Variants in GFRA1 observed in about 807,000 individuals in gnomAD.
GFRA1 encodes GDNF family receptor alpha-1.
GFRA1 carries 16 observed loss-of-function variants against 51.6 expected under a neutral mutation model. That is an observed-to-expected ratio of 0.31 (90% confidence interval 0.21 to 0.47). The LOEUF (loss-of-function observed/expected upper bound fraction) is 0.47. Ranked by LOEUF, GFRA1 falls within the 20% of genes least tolerant of loss-of-function variation. GFRA1 has a pLI of 1.00. For synonymous variants in GFRA1, 270 were observed against 241.3 expected (o/e 1.12, Z -1.10); for missense variants, 530 against 594.3 (o/e 0.89, Z 1.13).
chr10:116,212,257 T>G (rs1046771608), intron 4 of GFRA1, among the ~76,000 whole-genome samples: 1 of 152,090 alleles, frequency 6.6e-6, no homozygotes, highest in Non-Finnish European at 1.5e-5. Flanking sequence ...CGGTGGCTCA[T>G]GCCTGTAATC....
chr10:116,129,978 C>T (rs200347837), intron 5 of GFRA1, among the ~76,000 whole-genome samples: 16 of 150,352 alleles, frequency 1.1e-4, no homozygotes, highest in East Asian at 5.8e-4. Context: ...TATGGAATGA[C>T]GAAATCAAGC....
At chr10:116,248,661 T>C (rs982390787) in intron 4 of GFRA1, among the ~76,000 whole-genome samples, 4 of 152,192 alleles carry the variant, frequency 2.6e-5, no homozygotes, top group African/African-American at 9.6e-5. Flanking sequence ...TGTCAACTCC[T>C]GTAGGCCTGC....
intron 5 of GFRA1, among the ~76,000 whole-genome samples, chr10:116,205,988 A>T (rs2134414639): frequency 6.6e-6 from 1 of 150,874 alleles, no homozygotes; most frequent in South Asian, 2.1e-4. Context: ...TCTATGCAAA[A>T]TTAAATGGTA....
In GFRA1 at chr10:116,073,014, G is replaced by A. The variant is rs147487621; in HGVS notation, c.1198-7388C>T. 4.2e-3 allele frequency among the ~76,000 whole-genome samples: 637 copies of A among 152,272 alleles called. 7 individuals are homozygous for A. The highest frequency in any genetic ancestry group is 0.014 in the African/African-American group (593 of 41,566). ...AAAAGTGGGAAATGCAAAACCTCAC[G>A]CTAATTGGGCCTGCGAACTTTGTAT... On this transcript the variant is annotated intron_variant, in intron 9 of 10. Transcript: ENST00000355422.
At chr10:116,184,741 C>A (rs1455399299) in intron 5 of GFRA1, among the ~76,000 whole-genome samples, 1 of 152,176 alleles carries the variant, frequency 6.6e-6, no homozygotes, top group Non-Finnish European at 1.5e-5. Context: ...AAGGCTAGTT[C>A]CAGTTCTTAA....
chr10:116,103,262 C>T (rs1408902086), intron 6 of GFRA1, among the ~76,000 whole-genome samples: 1 of 152,222 alleles, frequency 6.6e-6, no homozygotes, highest in African/African-American at 2.4e-5. Flanking sequence ...ACCCAGAATA[C>T]ACCAGTTGCC....
chr10:116,158,551 A>T (rs992908277), intron 5 of GFRA1, among the ~76,000 whole-genome samples: 1 of 152,184 alleles, frequency 6.6e-6, no homozygotes, highest in Non-Finnish European at 1.5e-5. Context: ...AGGAGGGGGA[A>T]GGCCGTGGAA....
At chr10:116,095,444 T>A (rs1167729296) in intron 7 of GFRA1, among the ~76,000 whole-genome samples, 1 of 152,210 alleles carries the variant, frequency 6.6e-6, no homozygotes, top group South Asian at 2.1e-4. Context: ...AATTCCATAG[T>A]TGATACATCA....
At chr10:116,066,680 A>G (rs11593254) in intron 9 of GFRA1, among the ~76,000 whole-genome samples, 1 of 152,000 alleles carries the variant, frequency 6.6e-6, no homozygotes, top group Admixed American at 6.5e-5. Context: ...TCAATTCCTA[A>G]ATGAAAATGT....
intron 6 of GFRA1, among the ~76,000 whole-genome samples, chr10:116,115,860 G>A (rs968841263): frequency 1.3e-5 from 2 of 152,286 alleles, no homozygotes; most frequent in Middle Eastern, 3.4e-3. Flanking sequence ...CTAGCAGGAG[G>A]TGGCTGGTGG....
At chr10:116,217,329 G>A (rs890314676) in intron 4 of GFRA1, among the ~76,000 whole-genome samples, 3 of 152,198 alleles carry the variant, frequency 2.0e-5, no homozygotes, top group African/African-American at 7.2e-5. Flanking sequence ...CAACAGTAGG[G>A]ATAAGCTTTT....
intron 5 of GFRA1, among the ~76,000 whole-genome samples, chr10:116,189,569 T>C (rs926467909): frequency 6.6e-5 from 10 of 152,242 alleles, no homozygotes; most frequent in African/African-American, 2.4e-4. Context: ...TTAAGTTTAA[T>C]TCTCTTTAAG....
intron 6 of GFRA1, among the ~76,000 whole-genome samples, chr10:116,121,274 C>T (rs1445320959): frequency 1.3e-5 from 2 of 152,150 alleles, no homozygotes; most frequent in Admixed American, 6.5e-5. Context: ...CCAGAGGAAA[C>T]CTGGCAGGGG....
At chr10:116,242,817 A>G (rs568781734) in intron 4 of GFRA1, among the ~76,000 whole-genome samples, 2 of 152,266 alleles carry the variant, frequency 1.3e-5, no homozygotes, top group East Asian at 3.9e-4. Context: ...CCTTACCCAA[A>G]TTGGCCCCTT....
intron 4 of GFRA1, among the ~76,000 whole-genome samples, chr10:116,265,336 T>C (rs1162989183): frequency 6.6e-6 from 1 of 152,174 alleles, no homozygotes; most frequent in Non-Finnish European, 1.5e-5. Flanking sequence ...TGCAATATCA[T>C]CAACTGTGAT....
chr10:116,086,490 C>G (rs1284861996), intron 9 of GFRA1, among the ~76,000 whole-genome samples: 5 of 152,202 alleles, frequency 3.3e-5, no homozygotes, highest in Non-Finnish European at 7.3e-5. Context: ...CTTGCAGAGG[C>G]CACCATACTG....
At chr10:116,252,511 T>C (rs927205383) in intron 4 of GFRA1, among the ~76,000 whole-genome samples, 6 of 152,156 alleles carry the variant, frequency 3.9e-5, no homozygotes, top group Non-Finnish European at 8.8e-5. Flanking sequence ...ATGGTGGGGC[T>C]GCTTTGTCTT....
intron 5 of GFRA1, among the ~76,000 whole-genome samples, chr10:116,152,114 C>T (rs1661143188): frequency 6.6e-6 from 1 of 152,180 alleles, no homozygotes; most frequent in Non-Finnish European, 1.5e-5. Context: ...CAAGATTAGA[C>T]ACTGATTCAT....
At chr10:116,247,680 A>T (rs775251121) in intron 4 of GFRA1, among the ~76,000 whole-genome samples, 2 of 152,104 alleles carry the variant, frequency 1.3e-5, no homozygotes, top group Non-Finnish European at 2.9e-5. Flanking sequence ...TGGGAACTTC[A>T]TTTCACTGTG....
Sources: gnomAD v4.1 joint callset for allele counts (sites outside exome capture counted in the v4.1 genomes callset) on GRCh38, gnomAD v4.1.1 for gene constraint, MANE v1.5 for transcripts, NCBI Gene and HGNC (gene_info 2026-07-23, HGNC 2026-07-21) for gene names.